The following ATN1 variants were observed in gnomAD, a reference collection of about 807,000 sequenced individuals.
ATN1 encodes atrophin-1.
In ATN1, 19 loss-of-function variants were observed where a neutral mutation model predicts 85.8. The observed-to-expected ratio is 0.22, with a 90% CI of 0.15 to 0.32. ATN1 has a LOEUF of 0.32. Ranked by LOEUF, ATN1 falls within the 10% of genes least tolerant of loss-of-function variation. The pLI, the probability that ATN1 is intolerant of heterozygous loss-of-function variation, is 1.00. For synonymous variants in ATN1, 674 were observed against 657.0 expected, an observed-to-expected ratio of 1.03 and a Z score of -0.39; for missense variants, 1,453 against 1,564.5, an observed-to-expected ratio of 0.93 and a Z score of 1.20.
chr12:6,926,665 G>A (rs1945401906), upstream of ATN1, among the ~76,000 whole-genome samples: 1 of 151,988 alleles, frequency 6.6e-6, no homozygotes, highest in African/African-American at 2.4e-5. Flanking sequence ...TAGAGACGGG[G>A]TTTCGCCATG....
chr12:6,938,118 TCCCTC>T, intron 6 of ATN1, 51 bp downstream of exon 6: 1 of 1,503,052 alleles, frequency 6.7e-7, no homozygotes, highest in East Asian at 2.5e-5. Context: ...TTTCCTTCCT[TCCCTC>T]TGCGCTGCGC....
At chr12:6,932,348 G>C (rs1487315145) in intron 1 of ATN1, among the ~76,000 whole-genome samples, 1 of 152,176 alleles carries the variant, frequency 6.6e-6, no homozygotes. Flanking sequence ...ACTTAATTCA[G>C]GAAGAAAGAC....
In ATN1 at chr12:6,937,921, A is replaced by C; in HGVS notation, c.2371A>C (p.Lys791Gln). ...GTACTTCGTGCCACTGGAGGGCTCC[A>C]AGCTGGCCAAGAAGCGGGCCGACCT... ...DLYFVPLEGS[K>Q]LAKKRADLVE... Residue 791 changes from lysine (K) to glutamine (Q), a missense_variant, in exon 6 of 10, where the codon AAG (lysine) becomes CAG (glutamine). Around this residue, in one of 6 missense-constraint regions of ATN1, gnomAD observed 990 missense variants for 914.8 expected, o/e 1.08. Coordinates refer to ENST00000396684, the MANE Select transcript of ATN1 (RefSeq NM_001940.4). This position sits in a 1 kb window ranked among gnomAD's most constrained non-coding sequence, Gnocchi z 6.0. The C allele has an allele frequency of 6.3e-7, 1 of 1,594,990 alleles. No individual in the cohort carries two copies. The highest frequency in any genetic ancestry group is 1.7e-5 in the Admixed American group (1 of 57,756).
rs1449712452 is a variant in ATN1, at chr12:6,935,551, A to G, written c.284A>G (p.Glu95Gly). The G allele has an allele frequency of 1.2e-6, 2 of 1,607,498 alleles. No homozygotes were observed. The highest frequency in any genetic ancestry group is 1.7e-6 in the Non-Finnish European group (2 of 1,175,002). ...NAPKKTKTEQELPRPQSPSDL... is the reference protein window; with the variant it reads ...NAPKKTKTEQGLPRPQSPSDL... Reference sequence around the variant, plus strand: ...TGAGTCTTCCCTTTTCTACAGCAGGAACTCCCTCGGCCACAGTCTCCCTCC... The same window carrying G: ...TGAGTCTTCCCTTTTCTACAGCAGGGACTCCCTCGGCCACAGTCTCCCTCC... Residue 95 changes from glutamate to glycine, a missense_variant, in exon 5 of 10, where the codon GAA becomes GGA. Coordinates refer to ENST00000396684, the MANE Select transcript of ATN1 (RefSeq NM_001940.4). The surrounding 1 kb of genome is among the most constrained non-coding windows in gnomAD (Gnocchi z 5.3).
chr12:6,926,540 T>A (rs1313822337), upstream of ATN1, among the ~76,000 whole-genome samples: 1 of 151,740 alleles, frequency 6.6e-6, no homozygotes, highest in Non-Finnish European at 1.5e-5. Flanking sequence ...AGTGGCGCGA[T>A]CTCTGCTTGC....
Position 6,934,905 on chromosome 12 carries a change from G to GT in ATN1, c.279+332dup, listed in dbSNP as rs1471390210. On this transcript the variant is annotated intron_variant, in intron 4 of 9. Coordinates refer to ENST00000396684, the MANE Select transcript of ATN1 (RefSeq NM_001940.4). The surrounding 1 kb of genome is among the most constrained non-coding windows in gnomAD (Gnocchi z 4.5). ...TTTTATTGTTTTTTTTTGTTTGTTT[G>GT]TTTTTGAGACAGTTTCGCTCTGTCA... 6.6e-6 allele frequency among the ~76,000 whole-genome samples: 1 copy of GT among 151,952 alleles called. No individual in the cohort carries two copies. The highest frequency in any genetic ancestry group is 1.5e-5 in the Non-Finnish European group (1 of 67,982).
At position 6,939,168 on chromosome 12, in the gene ATN1, A is replaced by G; in HGVS notation, c.3205A>G (p.Ile1069Val). ...CCTGCACCTGCACCAGCAAGATGCT[A>G]TCCATGCAGGTGAGACCCCTCCTTC... ...SHLHLHQQDAIHAASASVHPL... is the reference protein window; with the variant it reads ...SHLHLHQQDAVHAASASVHPL... Residue 1069 changes from isoleucine (I) to valine (V), a missense_variant, in exon 7 of 10, where the codon ATC becomes GTC. This residue lies in a region of ATN1 where 118 missense variants were observed against 163.7 expected (regional missense o/e 0.72). Coordinates refer to ENST00000396684, the MANE Select transcript of ATN1 (RefSeq NM_001940.4). The G allele has an allele frequency of 1.3e-6, 2 of 1,597,484 alleles. No homozygotes were observed. The highest frequency in any genetic ancestry group is 1.7e-6 in the Non-Finnish European group (2 of 1,178,338).
At chr12:6,929,762 T>C (rs1301430181) in intron 1 of ATN1, among the ~76,000 whole-genome samples, 1 of 152,246 alleles carries the variant, frequency 6.6e-6, no homozygotes, top group Non-Finnish European at 1.5e-5. Context: ...GATGGGAGGA[T>C]GAAAACGCTT....
rs1565566799 is a variant in ATN1, at chr12:6,936,760, A to AGCAGCAGCAGCAGCG, written c.1507_1508insGGCAGCAGCAGCAGC (p.Gln502_His503insArgGlnGlnGlnGln). On this transcript the variant is annotated inframe_insertion, in exon 5 of 10. Transcript: ENST00000396684. ...CAGCAGCAGCAGCAGCAGCAGCAGC[A>AGCAGCAGCAGCAGCG]GCAGCAGCAGCAGCATCACGGAAAC... 1 of 1,438,020 alleles carries AGCAGCAGCAGCAGCG rather than the reference A, an allele frequency of 7.0e-7. No homozygotes were observed. Among genetic ancestry groups the AGCAGCAGCAGCAGCG allele is most frequent in the Non-Finnish European group, 9.7e-7 (1 of 1,033,934 alleles). 89.1% of individuals were successfully genotyped at this position (1,438,020 alleles called of 1,614,324 possible). A position where few individuals can be genotyped will look rare whatever the true frequency, so the allele number is the denominator to read the frequency against.
chr12:6,941,496 C>A lies in ATN1; in HGVS notation c.3481C>A (p.Leu1161Met). 1.2e-6 allele frequency: 2 copies of A among 1,612,774 alleles called. No individual in the cohort carries two copies. The highest frequency in any genetic ancestry group is 1.7e-6 in the Non-Finnish European group (2 of 1,179,986). Residue 1161 changes from leucine to methionine, a missense_variant, in exon 9 of 10, where the codon CTG becomes ATG. Leu to Met is a conservative substitution (Grantham distance 15, BLOSUM62 2). This residue lies in a region of ATN1 where 118 missense variants were observed against 163.7 expected (regional missense o/e 0.72). Coordinates refer to ENST00000396684, the MANE Select transcript of ATN1 (RefSeq NM_001940.4). This position sits in a 1 kb window ranked among gnomAD's most constrained non-coding sequence, Gnocchi z 5.9. Reference sequence around the variant, plus strand: ...CTTGGCGCTGGAACAGCAGCAGTGGCTGCATGCCCATCACCCGCTGCACAG... The same window carrying A: ...CTTGGCGCTGGAACAGCAGCAGTGGATGCATGCCCATCACCCGCTGCACAG... ...QRLALEQQQWLHAHHPLHSVP... is the reference protein window; with the variant it reads ...QRLALEQQQWMHAHHPLHSVP...
In ATN1 at chr12:6,942,082, C is replaced by T. The variant is rs1945644694; in HGVS notation, c.*302C>T. 1.0e-5 allele frequency: 5 copies of T among 491,820 alleles called. No individual in the cohort carries two copies. The highest frequency in any genetic ancestry group is 1.9e-5 in the Non-Finnish European group (5 of 269,880). 30.5% of individuals were successfully genotyped at this position (491,820 alleles called of 1,614,324 possible). ...CCCCATGCCCAACCCCTGTGGCCGC[C>T]GCCCCTCCCCTGCCCCGTTGGTGTG... On this transcript the variant is annotated 3_prime_UTR_variant, in exon 10 of 10. Transcript: ENST00000396684.
In ATN1 at chr12:6,936,449, C is replaced by T. The variant is rs1369213372; in HGVS notation, c.1182C>T (p.Ser394=). ...AASSSSSSSS[S]SASPFPASQA... is the part of the protein sequence containing the mutation. The stretch of plus-strand genomic sequence containing the variant: ...CCTCTTCCAGTTCTTCCTCCTCTTC[C>T]TCTGCCTCCCCCTTCCCAGCTTCCC... Residue 394 remains serine, a synonymous_variant, in exon 5 of 10, where the codon TCC becomes TCT. Coordinates refer to ENST00000396684, the MANE Select transcript of ATN1 (RefSeq NM_001940.4). The T allele has an allele frequency of 1.9e-6, 3 of 1,610,190 alleles. No individual in the cohort carries two copies. Among genetic ancestry groups the T allele is most frequent in the Middle Eastern group, 1.7e-4 (1 of 6,058 alleles).
rs1555144213 is a variant in ATN1 at position 6,938,482 on chromosome 12, A to G, written c.2519A>G (p.Lys840Arg). ...TCCACTTTTCCCTGTATCCCACAGA[A>G]GTTGGCTCAGGAGGGCCGTGCTCCG... Reference protein sequence around the residue: ...EKERELERSVKLAQEGRAPVE... With the variant: ...EKERELERSVRLAQEGRAPVE... The change falls in exon 7 of 10, where the codon AAG (lysine) becomes AGG (arginine). Residue 840 changes from lysine to arginine, a missense_variant and splice_region_variant. Transcript: ENST00000396684. 11 of 1,601,580 alleles carry G rather than the reference A, an allele frequency of 6.9e-6. No homozygotes were observed. In the Middle Eastern group the frequency reaches 8.3e-4, roughly 120 times the overall value.
In ATN1 at chr12:6,934,373, T is replaced by A; in HGVS notation, c.165+60T>A. On this transcript the variant is annotated intron_variant, in intron 3 of 9. Transcript: ENST00000396684. The surrounding 1 kb of genome is among the most constrained non-coding windows in gnomAD (Gnocchi z 4.5). ...AAGGCACTGGGGCTGAGGGTGTGTGTGTGTTGTGGGGGAACTTCCTGTTTG... is the reference window on the plus strand; with the variant it reads ...AAGGCACTGGGGCTGAGGGTGTGTGAGTGTTGTGGGGGAACTTCCTGTTTG... 6.3e-7 allele frequency: 1 copy of A among 1,597,878 alleles called. No individual in the cohort carries two copies.
intron 1 of ATN1, among the ~76,000 whole-genome samples, chr12:6,931,800 G>C (rs377220668): frequency 6.6e-6 from 1 of 151,690 alleles, no homozygotes. Flanking sequence ...TGGGAAGGCC[G>C]AGGCAGGCAG....
rs200869380 is a variant in ATN1, at chr12:6,934,235, G to A, written c.87G>A (p.Ser29=). 3 of 1,589,344 alleles carry A rather than the reference G, an allele frequency of 1.9e-6. No individual in the cohort carries two copies. The highest frequency in any genetic ancestry group is 2.6e-6 in the Non-Finnish European group (3 of 1,174,072). Residue 29 remains serine (S), a synonymous_variant, in exon 3 of 10, where the codon TCG becomes TCA. Coordinates refer to ENST00000396684, the MANE Select transcript of ATN1 (RefSeq NM_001940.4). The surrounding 1 kb of genome is among the most constrained non-coding windows in gnomAD (Gnocchi z 4.5). ...CTGGGCCCCGGGAAGAACTGAGATC[G>A]AGGGGCCGGGCCTCCCCTGGAGGGG... The part of the protein sequence containing the change: ...EAPGPREELR[S]RGRASPGGVS...
In ATN1 at chr12:6,937,257, T is replaced by A. The variant is rs782704701; in HGVS notation, c.1990T>A (p.Ser664Thr). 4 of 1,610,834 alleles carry A rather than the reference T, an allele frequency of 2.5e-6. No individual in the cohort carries two copies. Among genetic ancestry groups the A allele is most frequent in the Non-Finnish European group, 3.4e-6 (4 of 1,179,398 alleles). Residue 664 changes from serine (S) to threonine (T), a missense_variant, in exon 5 of 10, where the codon TCC (serine) becomes ACC (threonine). By Grantham distance (58) the Ser-to-Thr change is moderately conservative (BLOSUM62 1). This residue lies in a region of ATN1 where 990 missense variants were observed against 914.8 expected (regional missense o/e 1.08). Transcript: ENST00000396684. This position sits in a 1 kb window ranked among gnomAD's most constrained non-coding sequence, Gnocchi z 6.0. ...CGGATACAAACCCGGGTCGCCTCCC[T>A]CCTTCCGAACGGGGACCCCACCGGG... is the stretch of plus-strand genomic sequence containing the variant. ...PPGYKPGSPP[S>T]FRTGTPPGYR...
At position 6,940,908 on chromosome 12, in the gene ATN1, C is replaced by T. The variant is rs371517416; in HGVS notation, c.3243C>T (p.Asp1081=). 6.2e-7 allele frequency: 1 copy of T among 1,614,208 alleles called. No homozygotes were observed. The highest frequency in any genetic ancestry group is 8.5e-7 in the Non-Finnish European group (1 of 1,180,034). Residue 1081 remains aspartate, a synonymous_variant, in exon 8 of 10, where the codon GAC becomes GAT. Coordinates refer to ENST00000396684, the MANE Select transcript of ATN1 (RefSeq NM_001940.4). ...AASASVHPLI[D]PLASGSHLTR... ...CTGCCTCGGTGCACCCTCTCATTGACCCCCTGGCCTCAGGGTCTCACCTTA... is the reference window on the plus strand; with the variant it reads ...CTGCCTCGGTGCACCCTCTCATTGATCCCCTGGCCTCAGGGTCTCACCTTA...
chr12:6,938,818 T>C lies in ATN1; in HGVS notation c.2855T>C (p.Val952Ala). ...GACCGCCTCAAGCCTGGCTTTGAGG[T>C]GAAGCCTAGTGAGCTGGAACCCCTA... ...LRDRLKPGFE[V>A]KPSELEPLHG... The change falls in exon 7 of 10, where the codon GTG becomes GCG. Residue 952 changes from valine to alanine, a missense_variant. Coordinates refer to ENST00000396684, the MANE Select transcript of ATN1 (RefSeq NM_001940.4). The C allele has an allele frequency of 6.2e-7, 1 of 1,614,106 alleles. No individual in the cohort carries two copies. Among genetic ancestry groups the C allele is most frequent in the Non-Finnish European group, 8.5e-7 (1 of 1,180,004 alleles).
Sources: gnomAD v4.1 joint callset for allele counts (sites outside exome capture counted in the v4.1 genomes callset) on GRCh38, gnomAD v4.1.1 for gene constraint, gnomAD v4.1.1 regional missense constraint, Gnocchi (gnomAD v3.1) non-coding constraint, MANE v1.5 for transcripts, NCBI Gene and HGNC (gene_info 2026-07-23, HGNC 2026-07-21) for gene names.